The following SEMA3A variants were observed in gnomAD, a reference collection of about 807,000 sequenced individuals.
The protein encoded by SEMA3A is semaphorin-3A.
A neutral mutation model predicts 97.9 loss-of-function variants in SEMA3A; 29 were observed. That is an observed-to-expected ratio of 0.30 (90% CI 0.22 to 0.40). The LOEUF (loss-of-function observed/expected upper bound fraction) is 0.40, where lower values mean the gene tolerates loss of function less well. Ranked by LOEUF, SEMA3A falls within the 10% of genes least tolerant of loss-of-function variation. The probability of loss-of-function intolerance (pLI) is 1.00; values close to 1 mark genes in which losing one functional copy is unlikely to be tolerated. For missense variants in SEMA3A, 763 were observed against 951.3 expected (o/e 0.80, Z 2.60); for synonymous variants, 321 against 323.7 (o/e 0.99, Z 0.09).
intron 4 of SEMA3A, 36 bp from the exon 5 acceptor site, chr7:84,060,594 T>G: frequency 7.2e-7 from 1 of 1,395,536 alleles, no homozygotes; most frequent in Non-Finnish European, 9.7e-7. Context: ...AAGGGTTTCC[T>G]TTATATATAA....
intron 1 of SEMA3A, among the ~76,000 whole-genome samples, chr7:84,406,515 C>T (rs571031778): frequency 1.1e-3 from 168 of 152,058 alleles, no homozygotes; most frequent in African/African-American, 3.7e-3. Context: ...TTCCAATCAA[C>T]AGAAAAAGAG....
intron 5 of SEMA3A, among the ~76,000 whole-genome samples, chr7:84,048,811 T>A (rs1792470023): frequency 6.6e-6 from 1 of 152,072 alleles, no homozygotes; most frequent in South Asian, 2.1e-4. Context: ...ATCATTTAGC[T>A]TTCTTTAGGG....
intron 12 of SEMA3A, 81 bp downstream of exon 12, chr7:84,001,874 A>G (rs1274439114): frequency 2.2e-6 from 2 of 907,062 alleles, no homozygotes; most frequent in Non-Finnish European, 3.5e-6. Flanking sequence ...CTACTTGTCC[A>G]TACCAAGTTC....
At chr7:84,362,438 C>T (rs1802748916) in intron 2 of SEMA3A, among the ~76,000 whole-genome samples, 1 of 151,936 alleles carries the variant, frequency 6.6e-6, no homozygotes, top group Non-Finnish European at 1.5e-5. Context: ...TATTGGAAGA[C>T]ATTTTTGGAA....
At chr7:84,468,175 T>C (rs899267864) in intron 1 of SEMA3A, among the ~76,000 whole-genome samples, 5 of 152,150 alleles carry the variant, frequency 3.3e-5, no homozygotes, top group Admixed American at 2.6e-4. Flanking sequence ...CTACTGTATT[T>C]TTAAATTGGA....
intron 6 of SEMA3A, among the ~76,000 whole-genome samples, chr7:84,026,105 C>T (rs1791534025): frequency 6.6e-6 from 1 of 152,106 alleles, no homozygotes; most frequent in African/African-American, 2.4e-5. Context: ...CGTAGTTTTC[C>T]TCAAAAAGGC....
intron 3 of SEMA3A, among the ~76,000 whole-genome samples, chr7:84,298,279 A>G (rs922047199): frequency 1.3e-5 from 2 of 152,182 alleles, no homozygotes; most frequent in South Asian, 2.1e-4. Flanking sequence ...AGAACATAAT[A>G]TGAATTCTAA....
In SEMA3A at chr7:84,298,808, T is replaced by C. The variant is rs902397601; in HGVS notation, c.-83+8399A>G. The stretch of plus-strand genomic sequence containing the variant: ...GGGTGTTGCCAAAGGAGATTAACAT[T>C]TGAGTCAGTGGACTGGGAAAAGCAG... On this transcript the variant is annotated intron_variant, in intron 3 of 3. Transcript: ENST00000424555. 6.6e-5 allele frequency among the ~76,000 whole-genome samples: 10 copies of C among 152,274 alleles called. No homozygotes were observed. The South Asian group carries it at 2.1e-3, about 32-fold the overall frequency.
intron 3 of SEMA3A, among the ~76,000 whole-genome samples, chr7:84,288,846 C>T: frequency 6.6e-6 from 1 of 152,094 alleles, no homozygotes; most frequent in East Asian, 1.9e-4. Flanking sequence ...TATAATCCAG[C>T]AATCCCACTA....
intron 2 of SEMA3A, among the ~76,000 whole-genome samples, chr7:84,364,332 A>G (rs1166809791): frequency 6.6e-6 from 1 of 151,740 alleles, no homozygotes; most frequent in African/African-American, 2.4e-5. Context: ...TTAAAGAAAC[A>G]AAATACAGAG....
At chr7:84,051,224 T>C (rs1406472265) in intron 5 of SEMA3A, among the ~76,000 whole-genome samples, 9 of 151,498 alleles carry the variant, frequency 5.9e-5, no homozygotes, top group Admixed American at 2.6e-4. Flanking sequence ...AACTTTAAAG[T>C]AGTTTTTTCC....
intron 12 of SEMA3A, among the ~76,000 whole-genome samples, chr7:83,992,768 T>A (rs1304854897): frequency 6.6e-6 from 1 of 152,058 alleles, no homozygotes; most frequent in African/African-American, 2.4e-5. Flanking sequence ...ATAGATGTGG[T>A]GTGGTGCCGA....
chr7:84,067,049 G>T (rs1483410367), intron 4 of SEMA3A, among the ~76,000 whole-genome samples: 1 of 152,114 alleles, frequency 6.6e-6, no homozygotes, highest in East Asian at 1.9e-4. Flanking sequence ...AACCAAAACA[G>T]CATGGTACTG....
At chr7:84,125,878 C>T (rs1013036192) in intron 3 of SEMA3A, among the ~76,000 whole-genome samples, 6 of 152,014 alleles carry the variant, frequency 3.9e-5, no homozygotes, top group Admixed American at 6.6e-5. Context: ...TTGATTCAGT[C>T]GTGAAATCAA....
chr7:83,975,296 T>C (rs757503864), intron 15 of SEMA3A, among the ~76,000 whole-genome samples: 6 of 152,258 alleles, frequency 3.9e-5, no homozygotes, highest in Admixed American at 3.3e-4. Flanking sequence ...TAAGATTATA[T>C]ATGCATATAA....
Position 83,963,211 on chromosome 7 carries a change from TTTTCGCTCTTCA to T in SEMA3A, c.1842_1853del (p.Asn614_Arg617del), listed in dbSNP as rs1788543596. On this transcript the variant is annotated inframe_deletion, in exon 16 of 17. Coordinates refer to ENST00000265362, the MANE Select transcript of SEMA3A (RefSeq NM_006080.3). ...GTCAGTTTCATTCCTGTACCTCTTC[TTTTCGCTCTTCA>T]TTTCGCCTCTGGAATTGCCAATAGA... 1 of 1,613,066 alleles carries T rather than the reference TTTTCGCTCTTCA, an allele frequency of 6.2e-7. No individual in the cohort carries two copies. The highest frequency in any genetic ancestry group is 8.5e-7 in the Non-Finnish European group (1 of 1,179,964).
chr7:84,248,394 T>C (rs1192107401), intron 3 of SEMA3A, among the ~76,000 whole-genome samples: 1 of 152,210 alleles, frequency 6.6e-6, no homozygotes, highest in East Asian at 1.9e-4. Context: ...ATGTGCTATA[T>C]GCCCGGCATG....
At chr7:84,363,639 T>C (rs1802776927) in intron 2 of SEMA3A, among the ~76,000 whole-genome samples, 2 of 151,902 alleles carry the variant, frequency 1.3e-5, no homozygotes, top group African/African-American at 4.8e-5. Flanking sequence ...TTCAGTACAA[T>C]AAACTTTATG....
At chr7:84,160,652 G>A (rs1797002118) in intron 1 of SEMA3A, among the ~76,000 whole-genome samples, 1 of 151,900 alleles carries the variant, frequency 6.6e-6, no homozygotes, top group Non-Finnish European at 1.5e-5. Flanking sequence ...GCCGAAGCAG[G>A]TGGATCACTT....
Sources: gnomAD v4.1 joint callset for allele counts (sites outside exome capture counted in the v4.1 genomes callset) on GRCh38, gnomAD v4.1.1 for gene constraint, MANE v1.5 for transcripts, NCBI Gene and HGNC (gene_info 2026-07-23, HGNC 2026-07-21) for gene names.